TDRD9: variants seen among roughly 807,000 people sequenced by gnomAD.
The protein encoded by TDRD9 is ATP-dependent RNA helicase TDRD9.
Under a neutral mutation model 172.6 loss-of-function variants are expected in TDRD9, and 124 were observed. The ratio of observed to expected loss-of-function variants is 0.72; its 90% CI spans 0.62 to 0.83. TDRD9 has a LOEUF of 0.83. Among genes scored for constraint, TDRD9 ranks in the 40% least tolerant of loss-of-function variants. The probability of loss-of-function intolerance (pLI) is 0.00; values close to 1 mark genes in which losing one functional copy is unlikely to be tolerated. For synonymous variants in TDRD9, 619 were observed against 617.1 expected (o/e 1.00, Z -0.05); for missense variants, 1,479 against 1,714.1 (o/e 0.86, Z 2.42).
chr14:104,024,142 G>A (rs945798258), intron 24 of TDRD9, among the ~76,000 whole-genome samples: 13 of 152,100 alleles, frequency 8.5e-5, no homozygotes, highest in Admixed American at 7.9e-4. Context: ...TTCTAACATA[G>A]CATTGAGCCA....
At position 104,018,081 on chromosome 14, in the gene TDRD9, A is replaced by G. The variant is rs745808311; in HGVS notation, c.2332-11A>G. 1.5e-5 allele frequency: 22 copies of G among 1,506,692 alleles called. No homozygotes were observed. The highest frequency in any genetic ancestry group is 2.0e-5 in the Non-Finnish European group (22 of 1,089,094). The allele number at this position is 1,506,692 out of a possible 1,614,324, so 93.3% of individuals were successfully genotyped here. On this transcript the variant is annotated splice_polypyrimidine_tract_variant and intron_variant, in intron 22 of 35. Coordinates refer to ENST00000409874, the MANE Select transcript of TDRD9 (RefSeq NM_153046.3). Reference sequence around the variant, plus strand: ...TAGTAATCTGCTCTGATTTTGTGTTATATTTTACAGTTGAAACACATTCCT... The same window carrying G: ...TAGTAATCTGCTCTGATTTTGTGTTGTATTTTACAGTTGAAACACATTCCT...
At chr14:104,033,931 C>A in intron 30 of TDRD9, 29 bp from the exon 31 acceptor site, 1 of 1,427,206 alleles carries the variant, frequency 7.0e-7, no homozygotes, top group Non-Finnish European at 9.7e-7. Flanking sequence ...GGATCAGTCA[C>A]CCCATCTCCT....
intron 23 of TDRD9, among the ~76,000 whole-genome samples, chr14:104,018,835 A>G (rs930735859): frequency 6.6e-6 from 1 of 152,242 alleles, no homozygotes; most frequent in Admixed American, 6.5e-5. Flanking sequence ...AAAGCTTTGT[A>G]AATAAGAACA....
At chr14:104,035,142 A>G (rs932786339) in intron 32 of TDRD9, 86 bp downstream of exon 32, 7 of 1,064,578 alleles carry the variant, frequency 6.6e-6, no homozygotes, top group Non-Finnish European at 9.7e-6. Flanking sequence ...TCCTTTTGGA[A>G]AGAAAGCCTT....
intron 23 of TDRD9, among the ~76,000 whole-genome samples, chr14:104,021,395 T>C (rs1230243815): frequency 6.6e-6 from 1 of 152,172 alleles, no homozygotes; most frequent in Admixed American, 6.6e-5. Context: ...TTATATCACT[T>C]GGCAATCAAT....
In TDRD9 at chr14:104,006,913, A is replaced by C; in HGVS notation, c.2007+68A>C. ...ATTGTTAGTACATTTTCATACCACA[A>C]ACATATGAGGTAGAGACAGACAATG... On this transcript the variant is annotated intron_variant, in intron 18 of 35. Coordinates refer to ENST00000409874, the MANE Select transcript of TDRD9 (RefSeq NM_153046.3). 3 of 1,342,662 alleles carry C rather than the reference A, an allele frequency of 2.2e-6. No homozygotes were observed. In the South Asian group the frequency reaches 3.7e-5, roughly 17 times the overall value. 83.2% of individuals were successfully genotyped at this position (1,342,662 alleles called of 1,614,324 possible). A position where few individuals can be genotyped will look rare whatever the true frequency, so the allele number is the denominator to read the frequency against.
chr14:104,016,697 C>G (rs2034803824), intron 22 of TDRD9, among the ~76,000 whole-genome samples: 1 of 152,202 alleles, frequency 6.6e-6, no homozygotes. Context: ...AGCCCAGCAG[C>G]AGGGAGACTC....
chr14:103,943,375 T>C (rs995869620), intron 1 of TDRD9, among the ~76,000 whole-genome samples: 3 of 151,478 alleles, frequency 2.0e-5, no homozygotes, highest in African/African-American at 4.8e-5. Context: ...TATATGTACA[T>C]ATGTGTATGT....
intron 30 of TDRD9, 79 bp from the exon 31 acceptor site, chr14:104,033,881 G>A (rs978733874): frequency 1.1e-5 from 9 of 820,604 alleles, no homozygotes; most frequent in Non-Finnish European, 1.6e-5. Flanking sequence ...TTTTTGAAAT[G>A]GGTTGCTTGT....
At chr14:103,964,179 G>A (rs2032634262) in intron 3 of TDRD9, among the ~76,000 whole-genome samples, 1 of 152,170 alleles carries the variant, frequency 6.6e-6, no homozygotes, top group Admixed American at 6.5e-5. Context: ...GGAGGTCAAA[G>A]CTGCAGTGAG....
At chr14:104,008,541 T>A in intron 20 of TDRD9, 75 bp downstream of exon 20, 1 of 1,013,430 alleles carries the variant, frequency 9.9e-7, no homozygotes, top group Non-Finnish European at 1.5e-6. Flanking sequence ...ACAACAATAT[T>A]TATTAAGTAC....
chr14:104,005,144 T>A, intron 14 of TDRD9, 130 bp from the exon 15 acceptor site: 1 of 800,694 alleles, frequency 1.2e-6, no homozygotes, highest in Non-Finnish European at 2.0e-6. Flanking sequence ...CCTCCCTCAA[T>A]CCTCTCCATT....
chr14:103,954,860 C>T (rs765598748), intron 1 of TDRD9, among the ~76,000 whole-genome samples: 1 of 151,970 alleles, frequency 6.6e-6, no homozygotes, highest in Non-Finnish European at 1.5e-5. Context: ...AACTCCTGAC[C>T]TCAAGTGATC....
intron 34 of TDRD9, among the ~76,000 whole-genome samples, chr14:104,045,854 C>T (rs1363767700): frequency 6.6e-6 from 1 of 152,226 alleles, no homozygotes; most frequent in African/African-American, 2.4e-5. Context: ...GAGCCATGCT[C>T]CCGCACTTCC....
chr14:104,030,449 C>T (rs1212732060), intron 28 of TDRD9, among the ~76,000 whole-genome samples: 1 of 152,166 alleles, frequency 6.6e-6, no homozygotes, highest in Non-Finnish European at 1.5e-5. Flanking sequence ...TGAGATTGCG[C>T]CATTGCACTC....
chr14:103,998,753 A>G, intron 13 of TDRD9, 25 bp downstream of exon 13: 3 of 1,202,972 alleles, frequency 2.5e-6, no homozygotes, highest in Non-Finnish European at 3.7e-6. Flanking sequence ...TTAAAGCACA[A>G]TAATGAGTCA....
chr14:103,959,122 C>G (rs778373871), intron 2 of TDRD9, among the ~76,000 whole-genome samples: 1 of 152,136 alleles, frequency 6.6e-6, no homozygotes, highest in East Asian at 1.9e-4. Flanking sequence ...AGGCATTGTC[C>G]TAGTCCAGGT....
chr14:103,950,022 C>T (rs1410405688), intron 1 of TDRD9, among the ~76,000 whole-genome samples: 7 of 124,236 alleles, frequency 5.6e-5, no homozygotes, highest in African/African-American at 1.8e-4. Context: ...CCCTGCCCTG[C>T]CCTCTTCTGT....
intron 15 of TDRD9, 97 bp downstream of exon 15, chr14:104,005,502 C>A: frequency 1.5e-6 from 2 of 1,316,346 alleles, no homozygotes; most frequent in Non-Finnish European, 2.1e-6. Flanking sequence ...TAACTCTGAT[C>A]CTCCCGCCTC....
Sources: allele counts gnomAD v4.1 joint callset (sites outside exome capture counted in the v4.1 genomes callset), GRCh38; gene constraint gnomAD v4.1.1; transcripts MANE v1.5; gene names NCBI Gene and HGNC (gene_info 2026-07-23, HGNC 2026-07-21).